CSMD1: variants seen among roughly 807,000 people sequenced by gnomAD.
The protein encoded by CSMD1 is CUB and Sushi multiple domains 1.
A neutral mutation model predicts 417.5 loss-of-function variants in CSMD1; 213 were observed. The observed-to-expected ratio is 0.51, with a 90% CI of 0.46 to 0.57. The LOEUF (loss-of-function observed/expected upper bound fraction) is 0.57. Ranked by LOEUF, CSMD1 falls within the 20% of genes least tolerant of loss-of-function variation. CSMD1 has a pLI of 0.00. For missense variants in CSMD1, 6,923 were observed against 4,529.7 expected (o/e 1.53, Z -15.17); for synonymous variants, 2,862 against 1,736.8 (o/e 1.65, Z -16.11).
chr8:3,181,874 G>A (rs1265799194), intron 36 of CSMD1, among the ~76,000 whole-genome samples: 2 of 152,226 alleles, frequency 1.3e-5, no homozygotes, highest in Non-Finnish European at 2.9e-5. Context: ...AAGTAATGAT[G>A]CTGGCAGGTG....
At chr8:3,830,678 G>A (rs980383352) in intron 5 of CSMD1, among the ~76,000 whole-genome samples, 2 of 152,088 alleles carry the variant, frequency 1.3e-5, no homozygotes, top group African/African-American at 4.8e-5. Flanking sequence ...TCAGAAAACA[G>A]AGAGAAAAAA....
intron 3 of CSMD1, among the ~76,000 whole-genome samples, chr8:4,301,019 C>T (rs540392709): frequency 6.6e-6 from 1 of 152,150 alleles, no homozygotes; most frequent in East Asian, 1.9e-4. Flanking sequence ...TTTATAGCAG[C>T]ATGATAAGAT....
At position 3,665,270 on chromosome 8, in the gene CSMD1, C is replaced by T. The variant is rs570215131; in HGVS notation, c.1009+43144G>A. Among the ~76,000 whole-genome samples the T allele has an allele frequency of 2.8e-4, 42 of 152,258 alleles. No homozygotes were observed. The East Asian group carries it at 7.5e-3, about 27-fold the overall frequency. ...GCACAGTGGCTCACATCTGTAATTCCTGTAATCCCAGCACTTTAGGAGGCT... is the reference window on the plus strand; with the variant it reads ...GCACAGTGGCTCACATCTGTAATTCTTGTAATCCCAGCACTTTAGGAGGCT... On this transcript the variant is annotated intron_variant, in intron 7 of 69. Coordinates refer to ENST00000635120, the MANE Select transcript of CSMD1 (RefSeq NM_033225.6).
intron 12 of CSMD1, among the ~76,000 whole-genome samples, chr8:3,460,425 C>G (rs143505951): frequency 2.0e-5 from 3 of 152,162 alleles, no homozygotes; most frequent in African/African-American, 7.2e-5. Context: ...TGGGAAGGCT[C>G]CAACCAATTT....
chr8:4,078,803 A>T (rs1009801047), intron 3 of CSMD1, among the ~76,000 whole-genome samples: 1 of 149,406 alleles, frequency 6.7e-6, no homozygotes, highest in African/African-American at 2.5e-5. Context: ...TGGGAGGCCA[A>T]GGCAGGTAGA....
At chr8:3,753,790 T>C in intron 6 of CSMD1, 140 bp downstream of exon 6, 1 of 561,434 alleles carries the variant, frequency 1.8e-6, no homozygotes, top group South Asian at 2.2e-5. Flanking sequence ...GACTATATGA[T>C]TTCCAAAGAT....
At chr8:3,921,644 C>G (rs1261844850) in intron 5 of CSMD1, among the ~76,000 whole-genome samples, 1 of 151,854 alleles carries the variant, frequency 6.6e-6, no homozygotes, top group Non-Finnish European at 1.5e-5. Flanking sequence ...TCTTCCTTCC[C>G]CCATTAGTTG....
At chr8:4,756,306 T>C (rs990374022) in intron 1 of CSMD1, among the ~76,000 whole-genome samples, 1 of 152,164 alleles carries the variant, frequency 6.6e-6, no homozygotes, top group Admixed American at 6.5e-5. Flanking sequence ...AAGTTTTAAA[T>C]ATTGAAGATT....
chr8:4,236,583 G>C (rs994831501), intron 3 of CSMD1, among the ~76,000 whole-genome samples: 2 of 152,144 alleles, frequency 1.3e-5, no homozygotes, highest in Non-Finnish European at 1.5e-5. Context: ...AATACTAAAT[G>C]AGCTGACAAA....
At chr8:3,934,199 T>C (rs1810335059) in intron 5 of CSMD1, among the ~76,000 whole-genome samples, 2 of 152,214 alleles carry the variant, frequency 1.3e-5, no homozygotes, top group South Asian at 4.1e-4. Context: ...ATGATCTTAA[T>C]TTCATTACAC....
intron 1 of CSMD1, among the ~76,000 whole-genome samples, chr8:4,643,720 T>C (rs1803345172): frequency 6.6e-6 from 1 of 152,172 alleles, no homozygotes; most frequent in Non-Finnish European, 1.5e-5. Flanking sequence ...ACAAATCAAA[T>C]ATGCATTAAA....
At chr8:4,952,832 C>A (rs552080244) in intron 1 of CSMD1, among the ~76,000 whole-genome samples, 1 of 152,208 alleles carries the variant, frequency 6.6e-6, no homozygotes, top group South Asian at 2.1e-4. Context: ...TTTTTAATAA[C>A]TCTGACTATA....
chr8:4,135,910 G>A lies in CSMD1; in HGVS notation c.416-103811C>T, dbSNP rs147463203. Among the ~76,000 whole-genome samples, 10 of 152,202 alleles carry A rather than the reference G, an allele frequency of 6.6e-5. No individual in the cohort carries two copies. The East Asian group carries it at 1.9e-3, about 29-fold the overall frequency. On this transcript the variant is annotated intron_variant, in intron 3 of 69. Transcript: ENST00000635120. ...GCAATGATTTGGGATGTTTTATTTA[G>A]CATATGTTAGTTTTCCCTGGATTGG...
chr8:3,817,496 G>T (rs776097473), intron 5 of CSMD1, among the ~76,000 whole-genome samples: 1 of 151,684 alleles, frequency 6.6e-6, no homozygotes, highest in Non-Finnish European at 1.5e-5. Context: ...AGCGAGGATG[G>T]TCTCAATCTC....
At chr8:4,807,951 T>G (rs1004941083) in intron 1 of CSMD1, among the ~76,000 whole-genome samples, 1 of 152,184 alleles carries the variant, frequency 6.6e-6, no homozygotes, top group African/African-American at 2.4e-5. Flanking sequence ...AAGCCCACCC[T>G]CAGTAGGAGT....
intron 11 of CSMD1, among the ~76,000 whole-genome samples, chr8:3,481,895 G>A (rs908432579): frequency 6.6e-6 from 1 of 152,126 alleles, no homozygotes; most frequent in Non-Finnish European, 1.5e-5. Flanking sequence ...AGAACTGAGA[G>A]TACAAATTTC....
chr8:3,012,330 T>C (rs995684280), intron 52 of CSMD1, among the ~76,000 whole-genome samples: 3 of 152,208 alleles, frequency 2.0e-5, no homozygotes, highest in Admixed American at 1.3e-4. Context: ...AGCTGTCCTA[T>C]AGTTGACATT....
intron 5 of CSMD1, among the ~76,000 whole-genome samples, chr8:3,921,770 T>C (rs1269940956): frequency 6.6e-6 from 1 of 152,180 alleles, no homozygotes; most frequent in Non-Finnish European, 1.5e-5. Context: ...TGCAATCTTC[T>C]TTGATTTGTT....
At chr8:3,478,266 G>A (rs1012821349) in intron 11 of CSMD1, among the ~76,000 whole-genome samples, 1 of 152,210 alleles carries the variant, frequency 6.6e-6, no homozygotes, top group African/African-American at 2.4e-5. Flanking sequence ...GTGCGGAACT[G>A]CGTGAAAAAG....
Sources: gnomAD v4.1 joint callset for allele counts (sites outside exome capture counted in the v4.1 genomes callset) on GRCh38, gnomAD v4.1.1 for gene constraint, MANE v1.5 for transcripts, NCBI Gene and HGNC (gene_info 2026-07-23, HGNC 2026-07-21) for gene names.